PTPRD: variants seen among roughly 807,000 people sequenced by gnomAD.
PTPRD encodes receptor-type tyrosine-protein phosphatase delta.
PTPRD carries 34 observed loss-of-function variants against 214.5 expected under a neutral mutation model. That is an observed-to-expected ratio of 0.16 (90% CI 0.12 to 0.21). The LOEUF (loss-of-function observed/expected upper bound fraction) is 0.21. Among genes scored for constraint, PTPRD ranks in the 10% least tolerant of loss-of-function variants. The pLI is 1.00. For synonymous variants in PTPRD, 1,128 were observed against 845.7 expected (o/e 1.33, Z -5.79); for missense variants, 2,545 against 2,398.7 (o/e 1.06, Z -1.27).
intron 2 of PTPRD, among the ~76,000 whole-genome samples, chr9:10,387,032 G>A (rs1289732223): frequency 6.6e-6 from 1 of 151,674 alleles, no homozygotes; most frequent in Admixed American, 6.6e-5. Context: ...ATGAGTCAAG[G>A]AATGGGGGTA....
intron 12 of PTPRD, among the ~76,000 whole-genome samples, chr9:8,686,230 C>G (rs1378086303): frequency 6.6e-6 from 1 of 152,168 alleles, no homozygotes; most frequent in Non-Finnish European, 1.5e-5. Flanking sequence ...ATATTAAAAA[C>G]TTAAAATATT....
intron 11 of PTPRD, among the ~76,000 whole-genome samples, chr9:8,853,775 G>C (rs2097861647): frequency 6.6e-6 from 1 of 152,124 alleles, no homozygotes. Flanking sequence ...ATATAAAAAA[G>C]AATGTTTTAA....
chr9:10,494,875 ATGTAT>A (rs941543993), intron 2 of PTPRD, among the ~76,000 whole-genome samples: 2 of 151,610 alleles, frequency 1.3e-5, no homozygotes, highest in South Asian at 2.1e-4. Flanking sequence ...ATAGCATATA[ATGTAT>A]TGTAAAAATT....
At chr9:9,296,765 C>T (rs1158948455) in intron 9 of PTPRD, among the ~76,000 whole-genome samples, 2 of 151,668 alleles carry the variant, frequency 1.3e-5, no homozygotes, top group East Asian at 3.9e-4. Flanking sequence ...TCCTACTGTT[C>T]CCTAAGGGAC....
At chr9:9,969,097 G>A (rs2094915563) in intron 4 of PTPRD, among the ~76,000 whole-genome samples, 3 of 152,142 alleles carry the variant, frequency 2.0e-5, no homozygotes, top group Admixed American at 6.5e-5. Context: ...ACGAAAGCAT[G>A]TGACACGTCC....
chr9:8,652,854 A>G (rs1312285881), intron 12 of PTPRD, among the ~76,000 whole-genome samples: 1 of 152,186 alleles, frequency 6.6e-6, no homozygotes, highest in East Asian at 1.9e-4. Context: ...TTCTAGATGA[A>G]TTTAATCTTA....
chr9:9,765,044 C>T (rs541546277), intron 6 of PTPRD, among the ~76,000 whole-genome samples: 171 of 152,188 alleles, frequency 1.1e-3, no homozygotes, highest in African/African-American at 3.4e-3. Flanking sequence ...GAGATTTGTG[C>T]CTGGAGCCAT....
chr9:9,531,880 G>A (rs1047699643), intron 8 of PTPRD, among the ~76,000 whole-genome samples: 2 of 151,958 alleles, frequency 1.3e-5, no homozygotes, highest in African/African-American at 2.4e-5. Context: ...TGAGGTTACA[G>A]AAGATTGTAA....
At chr9:9,955,526 G>GTT (rs779657484) in intron 4 of PTPRD, among the ~76,000 whole-genome samples, 34 of 134,112 alleles carry the variant, frequency 2.5e-4, no homozygotes, top group African/African-American at 6.1e-4. Flanking sequence ...GTTTTGTTTT[G>GTT]TTTTTTTTTT....
chr9:9,657,535 G>A (rs1047397206), intron 7 of PTPRD, among the ~76,000 whole-genome samples: 10 of 152,178 alleles, frequency 6.6e-5, no homozygotes, highest in South Asian at 2.1e-4. Context: ...AACCAACATG[G>A]CACAGGTATA....
intron 9 of PTPRD, among the ~76,000 whole-genome samples, chr9:9,328,777 C>T (rs1263525134): frequency 6.6e-6 from 1 of 150,990 alleles, no homozygotes; most frequent in Non-Finnish European, 1.5e-5. Context: ...ACTGGGATTA[C>T]AGGTGCCTAC....
At chr9:8,785,582 T>C (rs2095912269) in intron 11 of PTPRD, among the ~76,000 whole-genome samples, 1 of 152,216 alleles carries the variant, frequency 6.6e-6, no homozygotes, top group Admixed American at 6.5e-5. Flanking sequence ...AGCTAGGCTG[T>C]GGCTACCAGC....
intron 10 of PTPRD, among the ~76,000 whole-genome samples, chr9:9,157,139 G>T (rs2099881905): frequency 6.6e-6 from 1 of 152,146 alleles, no homozygotes; most frequent in South Asian, 2.1e-4. Flanking sequence ...GTAGCCCAAA[G>T]ACAGAAATTT....
rs73430450 is a variant in PTPRD at position 8,552,209 on chromosome 9, C to T, written c.353-23430G>A. ...ACCCTAGCAAAACCCAAATCCAAAC[C>T]CCATTTATATACAAAACTGAGAAAA... is the stretch of plus-strand genomic sequence containing the variant. On this transcript the variant is annotated intron_variant, in intron 14 of 45. Transcript: ENST00000381196. Among the ~76,000 whole-genome samples the T allele has an allele frequency of 4.7e-3, 717 of 152,162 alleles. 1 individual carries two copies. Among genetic ancestry groups the T allele is most frequent in the African/African-American group, 0.017 (685 of 41,496 alleles).
At chr9:9,946,808 C>A (rs932759674) in intron 4 of PTPRD, among the ~76,000 whole-genome samples, 3 of 151,906 alleles carry the variant, frequency 2.0e-5, no homozygotes, top group Non-Finnish European at 2.9e-5. Flanking sequence ...GGGATTTTAA[C>A]GATAGAATTA....
chr9:10,510,921 T>C (rs905342066), intron 2 of PTPRD, among the ~76,000 whole-genome samples: 3 of 152,178 alleles, frequency 2.0e-5, no homozygotes, highest in Non-Finnish European at 4.4e-5. Flanking sequence ...ATGAATACTT[T>C]TAGTTCCCAC....
At chr9:9,807,846 C>G (rs2045920303) in intron 5 of PTPRD, among the ~76,000 whole-genome samples, 1 of 152,026 alleles carries the variant, frequency 6.6e-6, no homozygotes, top group Non-Finnish European at 1.5e-5. Flanking sequence ...CCGATTTTTC[C>G]AAAACAGATG....
At chr9:8,770,109 C>T (rs1452526124) in intron 11 of PTPRD, among the ~76,000 whole-genome samples, 1 of 151,958 alleles carries the variant, frequency 6.6e-6, no homozygotes, top group Non-Finnish European at 1.5e-5. Context: ...AGTGAACCCT[C>T]GTCTCTACCA....
intron 5 of PTPRD, among the ~76,000 whole-genome samples, chr9:9,909,652 CAATTT>C (rs1236882784): frequency 6.6e-6 from 1 of 151,788 alleles, no homozygotes; most frequent in South Asian, 2.1e-4. Context: ...TTTAATTTCT[CAATTT>C]AATATTGTCA....
Sources: gnomAD v4.1 joint callset for allele counts (sites outside exome capture counted in the v4.1 genomes callset) on GRCh38, gnomAD v4.1.1 for gene constraint, MANE v1.5 for transcripts, NCBI Gene and HGNC (gene_info 2026-07-23, HGNC 2026-07-21) for gene names.